ZNF430: variants seen among roughly 807,000 people sequenced by gnomAD.
ZNF430 encodes zinc finger protein 430.
In ZNF430, 35 loss-of-function variants were observed where a neutral mutation model predicts 56.7. The observed-to-expected ratio is 0.62, with a 90% CI of 0.47 to 0.82. The LOEUF (loss-of-function observed/expected upper bound fraction) is 0.82, where lower values mean the gene tolerates loss of function less well. Among genes scored for constraint, ZNF430 ranks in the 40% least tolerant of loss-of-function variants. ZNF430 has a pLI of 0.00. For missense variants in ZNF430, 574 were observed against 661.0 expected (o/e 0.87, Z 1.44); for synonymous variants, 212 against 224.3 (o/e 0.94, Z 0.49).
chr19:21,025,897 T>C (rs2144750416), intron 2 of ZNF430: 1 of 394,620 alleles, frequency 2.5e-6, no homozygotes, highest in East Asian at 7.2e-5. Context: ...CATCTTGTCT[T>C]TCTGCAGCCA....
chr19:21,047,621 A>G (rs919891096), intron 4 of ZNF430, among the ~76,000 whole-genome samples: 1 of 152,102 alleles, frequency 6.6e-6, no homozygotes, highest in Non-Finnish European at 1.5e-5. Flanking sequence ...CTTGGGATCT[A>G]CTTCAGACCC....
chr19:21,033,696 T>C (rs900414715), intron 3 of ZNF430, 114 bp downstream of exon 3: 3 of 1,236,580 alleles, frequency 2.4e-6, no homozygotes, highest in Non-Finnish European at 3.3e-6. Context: ...CTGATACTTG[T>C]TCTTAAGAAA....
At chr19:21,042,995 G>T (rs1568589138) in intron 4 of ZNF430, among the ~76,000 whole-genome samples, 1 of 152,112 alleles carries the variant, frequency 6.6e-6, no homozygotes, top group Non-Finnish European at 1.5e-5. Context: ...ATTTGCTTAA[G>T]TTCCTTTTAG....
At chr19:21,055,522 C>T (rs576282633) in intron 4 of ZNF430, among the ~76,000 whole-genome samples, 18 of 151,900 alleles carry the variant, frequency 1.2e-4, no homozygotes, top group African/African-American at 3.9e-4. Flanking sequence ...AATCTCGGCT[C>T]ACTGCACCCT....
At chr19:21,039,210 A>G (rs1712257408) in intron 4 of ZNF430, among the ~76,000 whole-genome samples, 1 of 152,070 alleles carries the variant, frequency 6.6e-6, no homozygotes, top group Admixed American at 6.5e-5. Flanking sequence ...CAGCCTCCTG[A>G]AGTGCTGGGA....
chr19:21,033,666 T>C, intron 3 of ZNF430, 84 bp downstream of exon 3: 3 of 1,431,130 alleles, frequency 2.1e-6, no homozygotes, highest in Non-Finnish European at 2.8e-6. Flanking sequence ...TGGTAATTTA[T>C]GCTTTGCATA....
intron 4 of ZNF430, among the ~76,000 whole-genome samples, chr19:21,047,672 G>A (rs1299842793): frequency 6.6e-6 from 1 of 152,216 alleles, no homozygotes; most frequent in East Asian, 1.9e-4. Context: ...GTGTCAACCA[G>A]TGGAGCCTGC....
chr19:21,044,075 T>C (rs1343362072), intron 4 of ZNF430, among the ~76,000 whole-genome samples: 1 of 151,326 alleles, frequency 6.6e-6, no homozygotes, highest in Non-Finnish European at 1.5e-5. Context: ...TACCCCTTAT[T>C]TATTTTTCTT....
Position 21,057,439 on chromosome 19 carries a change from A to T in ZNF430, c.1131A>T (p.Glu377Asp), listed in dbSNP as rs1425867259. The T allele has an allele frequency of 6.2e-6, 10 of 1,613,672 alleles. No homozygotes were observed. Among genetic ancestry groups the T allele is most frequent in the Non-Finnish European group, 8.5e-6 (10 of 1,179,972 alleles). The change falls in exon 5 of 5, where the codon GAA (glutamate) becomes GAT (aspartate). Residue 377 changes from glutamate to aspartate, a missense_variant. Around this residue, in one of 3 missense-constraint regions of ZNF430, gnomAD observed 15 missense variants for 40.9 expected, o/e 0.37. Coordinates refer to ENST00000261560, the MANE Select transcript of ZNF430 (RefSeq NM_025189.4). ...HAGEKPYKCE[E>D]CGKAFYRFSY... ...GAGAGAAACCTTACAAATGTGAAGAATGTGGCAAAGCTTTTTACCGATTCT... is the reference window on the plus strand; with the variant it reads ...GAGAGAAACCTTACAAATGTGAAGATTGTGGCAAAGCTTTTTACCGATTCT...
intron 4 of ZNF430, among the ~76,000 whole-genome samples, chr19:21,041,372 A>C (rs576286068): frequency 7.9e-5 from 12 of 152,302 alleles, no homozygotes; most frequent in African/African-American, 2.9e-4. Context: ...GAGTTAAAGT[A>C]ATCAGCCCCT....
chr19:21,048,901 G>A (rs1458958663), intron 4 of ZNF430, among the ~76,000 whole-genome samples: 1 of 151,980 alleles, frequency 6.6e-6, no homozygotes, highest in Non-Finnish European at 1.5e-5. Flanking sequence ...ATATCTTAAA[G>A]TTAAAAAAAT....
At chr19:21,033,879 C>G (rs1182032027) in intron 3 of ZNF430, among the ~76,000 whole-genome samples, 2 of 151,990 alleles carry the variant, frequency 1.3e-5, no homozygotes, top group Non-Finnish European at 2.9e-5. Context: ...TTGCCGCCAC[C>G]AATTTTTGAT....
chr19:21,022,159 A>G (rs946367630), intron 1 of ZNF430, among the ~76,000 whole-genome samples: 7 of 152,112 alleles, frequency 4.6e-5, no homozygotes, highest in Admixed American at 2.0e-4. Context: ...TTTTAAAAGT[A>G]GGAACCCAGG....
intron 4 of ZNF430, among the ~76,000 whole-genome samples, chr19:21,047,347 C>T (rs1037567123): frequency 2.0e-5 from 3 of 152,206 alleles, no homozygotes; most frequent in African/African-American, 4.8e-5. Flanking sequence ...ATTTATCCAC[C>T]TTAGCCACCG....
intron 2 of ZNF430, among the ~76,000 whole-genome samples, chr19:21,029,123 T>C (rs555075982): frequency 6.6e-6 from 1 of 152,342 alleles, no homozygotes; most frequent in Non-Finnish European, 1.5e-5. Context: ...GTTTTCATTT[T>C]ATATGGCCAT....
intron 2 of ZNF430, among the ~76,000 whole-genome samples, chr19:21,026,375 GAT>G (rs1967797104): frequency 1.3e-5 from 2 of 151,896 alleles, no homozygotes; most frequent in Non-Finnish European, 2.9e-5. Context: ...TTTTAGTAGA[GAT>G]GGAGTTTCAC....
At chr19:21,055,262 T>C (rs1482638031) in intron 4 of ZNF430, among the ~76,000 whole-genome samples, 1 of 152,054 alleles carries the variant, frequency 6.6e-6, no homozygotes, top group East Asian at 1.9e-4. Flanking sequence ...TTTGTACATT[T>C]AAAAAAGCTA....
At chr19:21,033,813 G>A in intron 3 of ZNF430, 1 of 532,872 alleles carries the variant, frequency 1.9e-6, no homozygotes, top group South Asian at 3.5e-5. Context: ...CTAGATTAGT[G>A]GCAATTCCAG....
rs1968433401 is a variant in ZNF430 at position 21,059,528 on chromosome 19, A to T, written c.*1507A>T. 7.4e-6 allele frequency: 1 copy of T among 136,048 alleles called. No individual in the cohort carries two copies. Among genetic ancestry groups the T allele is most frequent in the East Asian group, 2.2e-4 (1 of 4,614 alleles). 8.4% of individuals were successfully genotyped at this position (136,048 alleles called of 1,614,324 possible). ...ATTGCACTCCAGCCTGGGCAACAAG[A>T]GTGAAACTCCATTTCAAAAAAAAAA... On this transcript the variant is annotated 3_prime_UTR_variant, in exon 5 of 5. Coordinates refer to ENST00000261560, the MANE Select transcript of ZNF430 (RefSeq NM_025189.4).
Sources: gnomAD v4.1 joint callset for allele counts (sites outside exome capture counted in the v4.1 genomes callset) on GRCh38, gnomAD v4.1.1 for gene constraint, gnomAD v4.1.1 regional missense constraint, MANE v1.5 for transcripts, NCBI Gene and HGNC (gene_info 2026-07-23, HGNC 2026-07-21) for gene names.